ZNF454: variants seen among roughly 807,000 people sequenced by gnomAD.
ZNF454 encodes zinc finger protein 454.
In ZNF454, 30 loss-of-function variants were observed where a neutral mutation model predicts 48.2. The observed-to-expected ratio is 0.62, with a 90% CI of 0.47 to 0.84. ZNF454 has a LOEUF of 0.84. ZNF454 is among the 40% of genes least tolerant of loss of function. The pLI is 0.00. For synonymous variants in ZNF454, 204 were observed against 211.4 expected (o/e 0.97, Z 0.30); for missense variants, 510 against 623.1 (o/e 0.82, Z 1.93).
chr5:178,953,223 C>T (rs754448412), intron 4 of ZNF454, among the ~76,000 whole-genome samples: 3 of 151,992 alleles, frequency 2.0e-5, no homozygotes, highest in South Asian at 2.1e-4. Context: ...GATTTCCATT[C>T]GCTGTCCTCT....
chr5:178,989,162 G>C, the ZNF454 span: 2 of 1,609,810 alleles, frequency 1.2e-6, no homozygotes, highest in Non-Finnish European at 1.7e-6. Flanking sequence ...CAGAGAAAGT[G>C]TGCCCGGCCC....
At chr5:178,960,745 A>G (rs1244837115) in intron 4 of ZNF454, among the ~76,000 whole-genome samples, 1 of 151,806 alleles carries the variant, frequency 6.6e-6, no homozygotes, top group East Asian at 2.0e-4. Flanking sequence ...CCTTTTGTCT[A>G]TATAAAATAC....
At chr5:178,975,586 A>G in the ZNF454 span, 1 of 295,474 alleles carries the variant, frequency 3.4e-6, no homozygotes, top group Non-Finnish European at 7.1e-6. Flanking sequence ...CAGACCATCT[A>G]ACTGTTATTA....
the ZNF454 span, chr5:178,989,613 G>A: frequency 1.7e-5 from 11 of 636,364 alleles, no homozygotes; most frequent in African/African-American, 1.1e-4. Flanking sequence ...TGAGCTAGGC[G>A]TGGCCAGGTG....
chr5:178,983,180 G>C, the ZNF454 span: 1 of 1,613,484 alleles, frequency 6.2e-7, no homozygotes, highest in Non-Finnish European at 8.5e-7. Flanking sequence ...CAATCACGCT[G>C]TGTGGGGGCC....
At chr5:178,989,225 C>T in the ZNF454 span, 5 of 1,111,108 alleles carry the variant, frequency 4.5e-6, no homozygotes, top group Non-Finnish European at 6.7e-6. Flanking sequence ...TCACCACCCT[C>T]CCCACCCTCC....
At chr5:178,970,952 G>C (rs1246108339), downstream of ZNF454, among the ~76,000 whole-genome samples, 1 of 152,180 alleles carries the variant, frequency 6.6e-6, no homozygotes, top group African/African-American at 2.4e-5. Context: ...AAAGCAGCGT[G>C]TTCATGCTGT....
At chr5:178,983,506 G>T in the ZNF454 span, 11 of 627,786 alleles carry the variant, frequency 1.8e-5, no homozygotes, top group South Asian at 1.5e-4. Flanking sequence ...GTGTGCATAA[G>T]GGGCAGCTTG....
the ZNF454 span, among the ~76,000 whole-genome samples, chr5:178,984,443 G>A: frequency 2.6e-3 from 389 of 152,342 alleles, no homozygotes; most frequent in African/African-American, 8.5e-3. Flanking sequence ...TTTGCAGCCC[G>A]TCATGACGTG....
At chr5:178,985,284 T>G in the ZNF454 span, 7 of 456,360 alleles carry the variant, frequency 1.5e-5, no homozygotes, top group African/African-American at 1.4e-4. Context: ...CAGAAAGATC[T>G]CTGGAGGCCC....
the ZNF454 span, chr5:178,989,215 T>TG: frequency 6.8e-6 from 6 of 886,676 alleles, no homozygotes; most frequent in Non-Finnish European, 9.5e-6. Context: ...CTCCCCACCC[T>TG]CACCACCCTC....
the ZNF454 span, chr5:178,986,631 C>G: frequency 6.9e-6 from 11 of 1,602,942 alleles, no homozygotes; most frequent in Non-Finnish European, 8.5e-6. Flanking sequence ...CGTCACAGGC[C>G]TCGCAGTGCC....
chr5:178,968,365 A>G (rs1046197806), downstream of ZNF454, among the ~76,000 whole-genome samples: 1 of 152,166 alleles, frequency 6.6e-6, no homozygotes, highest in African/African-American at 2.4e-5. Context: ...AGGATATTCT[A>G]TATCATGGTA....
chr5:178,942,022 C>G (rs1256769708), intron 1 of ZNF454, among the ~76,000 whole-genome samples: 1 of 152,316 alleles, frequency 6.6e-6, no homozygotes, highest in South Asian at 2.1e-4. Flanking sequence ...CCAGTCGAAC[C>G]CAGACACTGC....
chr5:178,986,898 G>A, the ZNF454 span: 1 of 1,614,154 alleles, frequency 6.2e-7, no homozygotes, highest in South Asian at 1.1e-5. Flanking sequence ...TGCTGGCACT[G>A]CCATTGGTCG....
the ZNF454 span, chr5:178,986,587 T>C: frequency 3.1e-6 from 5 of 1,606,322 alleles, no homozygotes; most frequent in South Asian, 2.2e-5. Flanking sequence ...AGGACAGGCC[T>C]CGCATGTGAA....
the ZNF454 span, chr5:178,989,088 CCTTGCCCT>C: frequency 6.2e-7 from 1 of 1,613,984 alleles, no homozygotes; most frequent in South Asian, 1.1e-5. Context: ...ACAAACTGCA[CCTTGCCCT>C]CCTGCTCGTA....
downstream of ZNF454, among the ~76,000 whole-genome samples, chr5:178,970,382 T>C (rs1277052727): frequency 6.6e-6 from 1 of 152,008 alleles, no homozygotes; most frequent in Non-Finnish European, 1.5e-5. Flanking sequence ...ATTTAAATAT[T>C]TTTGTAACAG....
the ZNF454 span, among the ~76,000 whole-genome samples, chr5:178,972,325 A>G: frequency 6.6e-6 from 1 of 152,188 alleles, no homozygotes; most frequent in African/African-American, 2.4e-5. Flanking sequence ...CTATTTTACA[A>G]CTGTGTTGGT....
Sources: gnomAD v4.1 joint callset for allele counts (sites outside exome capture counted in the v4.1 genomes callset) on GRCh38, gnomAD v4.1.1 for gene constraint, MANE v1.5 for transcripts, NCBI Gene and HGNC (gene_info 2026-07-23, HGNC 2026-07-21) for gene names.